PITRM1: variants seen among roughly 807,000 people sequenced by gnomAD.
PITRM1 encodes the protein presequence protease, mitochondrial.
In PITRM1, 100 loss-of-function variants were observed where a neutral mutation model predicts 129.9. That is an observed-to-expected ratio of 0.77 (90% CI 0.65 to 0.91). The LOEUF (loss-of-function observed/expected upper bound fraction) is 0.91. PITRM1 is among the 40% of genes least tolerant of loss of function. The pLI, the probability that PITRM1 is intolerant of heterozygous loss-of-function variation, is 0.00. For missense variants in PITRM1, 1,471 were observed against 1,318.3 expected, an observed-to-expected ratio of 1.12 and a Z score of -1.79; for synonymous variants, 591 against 508.8, an observed-to-expected ratio of 1.16 and a Z score of -2.17.
rs2132411298 is a variant in PITRM1 at position 3,149,687 on chromosome 10, G to C, written c.1805C>G (p.Ser602Cys). Reference protein sequence around the residue: ...TNGMVYFRAFSSLNTLPEELR... With the variant: ...TNGMVYFRAFCSLNTLPEELR... ...CTCCTCGGGGAGTGTGTTCAGGCTG[G>C]AGAAGGCCCGGAAATACACCATGCC... The change falls in exon 16 of 27, where the codon TCC becomes TGC. Residue 602 changes from serine (S) to cysteine (C), a missense_variant. By Grantham distance (112) the Ser-to-Cys change is moderately radical (BLOSUM62 -1). Coordinates refer to ENST00000224949, the MANE Select transcript of PITRM1 (RefSeq NM_014889.4). 1 of 1,611,394 alleles carries C rather than the reference G, an allele frequency of 6.2e-7. No homozygotes were observed. The highest frequency in any genetic ancestry group is 1.3e-5 in the African/African-American group (1 of 74,880).
chr10:3,149,829 CTATT>C lies in PITRM1; in HGVS notation c.1739-80_1739-77del, dbSNP rs375935187. The stretch of plus-strand genomic sequence containing the variant: ...CCACTTGTAATATTTAAAAACAATG[CTATT>C]TATTGTTTTTTCAAGAATGGAGGTT... On this transcript the variant is annotated intron_variant, in intron 15 of 26. Transcript: ENST00000224949. 1.7e-3 allele frequency: 2,469 copies of C among 1,455,892 alleles called. 53 individuals are homozygous for C. In the South Asian group the frequency reaches 0.027, roughly 16 times the overall value. The allele number at this position is 1,455,892 out of a possible 1,614,324, so 90.2% of individuals were successfully genotyped here.
At chr10:3,163,064 C>T (rs1280348816) in intron 7 of PITRM1, 1 of 152,158 alleles carries the variant, frequency 6.6e-6, no homozygotes, top group African/African-American at 2.4e-5. Flanking sequence ...CTTCCAAAAA[C>T]TTCAGCAAGG....
Position 3,163,759 on chromosome 10 carries a change from ACTGCTTAAG to A in PITRM1, c.748_756del (p.Leu250_Gln252del). On this transcript the variant is annotated inframe_deletion, in exon 7 of 27. Transcript: ENST00000224949. ...CTTGGGTGATAGTGAGTGGCATGAA[ACTGCTTAAG>A]CTGCTCCCATGTAAGCTCCGGGATG... The A allele has an allele frequency of 6.2e-7, 1 of 1,612,168 alleles. No homozygotes were observed. The highest frequency in any genetic ancestry group is 8.5e-7 in the Non-Finnish European group (1 of 1,179,220).
intron 23 of PITRM1, 140 bp from the exon 24 acceptor site, chr10:3,140,952 GT>G: frequency 1.3e-6 from 1 of 779,018 alleles, no homozygotes; most frequent in Non-Finnish European, 2.1e-6. Flanking sequence ...TTTTGGTCTT[GT>G]TTTTTAAGAG....
intron 23 of PITRM1, chr10:3,141,687 G>C (rs751259910): frequency 2.1e-5 from 10 of 470,272 alleles, no homozygotes; most frequent in Non-Finnish European, 3.5e-5. Context: ...CCTTGAAGAC[G>C]CCCGTGGTGA....
chr10:3,140,823 T>TA lies in PITRM1; in HGVS notation c.2646-12dup, dbSNP rs1840113854. 6.4e-7 allele frequency: 1 copy of TA among 1,566,656 alleles called. No homozygotes were observed. Among genetic ancestry groups the TA allele is most frequent in the Non-Finnish European group, 8.7e-7 (1 of 1,152,320 alleles). ...GCAAGGATTTTAAGACTGAAATGATTAAAAAATGCAAGTTAATACCGTGGC... is the reference window on the plus strand; with the variant it reads ...GCAAGGATTTTAAGACTGAAATGATTAAAAAAATGCAAGTTAATACCGTGGC... On this transcript the variant is annotated splice_polypyrimidine_tract_variant and intron_variant, in intron 23 of 26. Coordinates refer to ENST00000224949, the MANE Select transcript of PITRM1 (RefSeq NM_014889.4).
intron 2 of PITRM1, among the ~76,000 whole-genome samples, chr10:3,167,289 G>T (rs1436514931): frequency 6.9e-6 from 1 of 144,062 alleles, no homozygotes; most frequent in African/African-American, 2.7e-5. Flanking sequence ...GAGAGAGAGC[G>T]AGCGAGCGAG....
At chr10:3,143,577 G>C in intron 22 of PITRM1, 76 bp from the exon 23 acceptor site, 1 of 1,006,220 alleles carries the variant, frequency 9.9e-7, no homozygotes, top group Non-Finnish European at 1.6e-6. Flanking sequence ...ACCCACTCAG[G>C]GGTCAGAGGC....
intron 14 of PITRM1, among the ~76,000 whole-genome samples, chr10:3,154,932 T>C (rs895782152): frequency 2.6e-5 from 4 of 152,178 alleles, no homozygotes; most frequent in African/African-American, 9.7e-5. Flanking sequence ...AGGTGTCTAA[T>C]TGCCTCTCAG....
chr10:3,162,746 C>A (rs1035726745), intron 7 of PITRM1, among the ~76,000 whole-genome samples: 4 of 152,218 alleles, frequency 2.6e-5, no homozygotes, highest in Admixed American at 2.0e-4. Flanking sequence ...CAGGCGGGAA[C>A]AGCCAGGCCA....
intron 2 of PITRM1, 148 bp downstream of exon 2, chr10:3,169,956 T>G: frequency 1.8e-6 from 1 of 562,224 alleles, no homozygotes; most frequent in Non-Finnish European, 3.2e-6. Flanking sequence ...TTCAGCCGAG[T>G]AGCTGCCACA....
chr10:3,166,440 C>A, intron 3 of PITRM1, 60 bp from the exon 4 acceptor site: 4 of 983,378 alleles, frequency 4.1e-6, no homozygotes, highest in Non-Finnish European at 6.2e-6. Context: ...GACACAGTTC[C>A]CAGATGCATC....
intron 15 of PITRM1, among the ~76,000 whole-genome samples, chr10:3,150,655 G>A (rs996089344): frequency 1.3e-5 from 2 of 152,154 alleles, no homozygotes; most frequent in Non-Finnish European, 2.9e-5. Context: ...TACTAGCCAG[G>A]AGCCAGAGAG....
At chr10:3,145,822 G>GT in intron 20 of PITRM1, 106 bp from the exon 21 acceptor site, 1 of 911,838 alleles carries the variant, frequency 1.1e-6, no homozygotes, top group South Asian at 1.6e-5. Flanking sequence ...AGAAAATACT[G>GT]TTCAGAGTGT....
intron 9 of PITRM1, among the ~76,000 whole-genome samples, chr10:3,159,463 C>T (rs866011029): frequency 3.3e-5 from 5 of 152,282 alleles, no homozygotes; most frequent in East Asian, 3.9e-4. Flanking sequence ...GTGAAACCAC[C>T]GGAATTACAA....
In PITRM1 at chr10:3,149,704, C is replaced by T; in HGVS notation, c.1788G>A (p.Val596=). The T allele has an allele frequency of 6.2e-7, 1 of 1,612,186 alleles. No individual in the cohort carries two copies. Among genetic ancestry groups the T allele is most frequent in the Non-Finnish European group, 8.5e-7 (1 of 1,179,406 alleles). Residue 596 remains valine (V), a synonymous_variant, in exon 16 of 27, where the codon GTG becomes GTA. Coordinates refer to ENST00000224949, the MANE Select transcript of PITRM1 (RefSeq NM_014889.4). ...TCAGGCTGGAGAAGGCCCGGAAATACACCATGCCATTGGTGGGCTGGGCGC... is the reference window on the plus strand; with the variant it reads ...TCAGGCTGGAGAAGGCCCGGAAATATACCATGCCATTGGTGGGCTGGGCGC... The part of the protein sequence containing the change: ...QYCAQPTNGM[V]YFRAFSSLNT...
chr10:3,167,619 G>A (rs1262181750), intron 2 of PITRM1, among the ~76,000 whole-genome samples: 8 of 152,178 alleles, frequency 5.3e-5, no homozygotes, highest in Non-Finnish European at 1.0e-4. Flanking sequence ...GTAACACAGC[G>A]CCCCTTCCAA....
At position 3,165,219 on chromosome 10, in the gene PITRM1, A is replaced by G; in HGVS notation, c.630+19T>C. ...GGAAAGGTAAGCTGAACACAACATA[A>G]AAAAGGAAGAAAACTTACAAACGCT... is the stretch of plus-strand genomic sequence containing the variant. On this transcript the variant is annotated intron_variant, in intron 6 of 26. Transcript: ENST00000224949. 1.3e-6 allele frequency: 2 copies of G among 1,513,456 alleles called. No homozygotes were observed. The highest frequency in any genetic ancestry group is 1.3e-5 in the South Asian group (1 of 79,944). The allele number at this position is 1,513,456 out of a possible 1,614,324, so 93.8% of individuals were successfully genotyped here.
At position 3,145,786 on chromosome 10, in the gene PITRM1, G is replaced by A. The variant is rs1029647007; in HGVS notation, c.2337-70C>T. The A allele has an allele frequency of 3.4e-6, 4 of 1,171,294 alleles. No individual in the cohort carries two copies. The East Asian group carries it at 7.7e-5, about 22-fold the overall frequency. 72.6% of individuals were successfully genotyped at this position (1,171,294 alleles called of 1,614,324 possible). A position where few individuals can be genotyped will look rare whatever the true frequency, so the allele number is the denominator to read the frequency against. ...CAGTTTTAGTAATTCATCACATTTT[G>A]TATAACTCAATAATGTTGTTTTTAT... On this transcript the variant is annotated intron_variant, in intron 20 of 26. Transcript: ENST00000224949.
Sources: allele counts gnomAD v4.1 joint callset (sites outside exome capture counted in the v4.1 genomes callset), GRCh38; gene constraint gnomAD v4.1.1; transcripts MANE v1.5; gene names NCBI Gene and HGNC (gene_info 2026-07-23, HGNC 2026-07-21).